Variants in FBXL17 observed in about 807,000 individuals in gnomAD.
The protein encoded by FBXL17 is F-box/LRR-repeat protein 17.
Under a neutral mutation model 66.2 loss-of-function variants are expected in FBXL17, and 22 were observed. That is an observed-to-expected ratio of 0.33 (90% CI 0.24 to 0.47). The LOEUF is 0.47. FBXL17 is among the 20% of genes least tolerant of loss of function. FBXL17 has a pLI of 1.00. For synonymous variants in FBXL17, 474 were observed against 400.5 expected (o/e 1.18, Z -2.19); for missense variants, 878 against 948.2 (o/e 0.93, Z 0.97).
intron 4 of FBXL17, among the ~76,000 whole-genome samples, chr5:108,336,646 T>A (rs1760395170): frequency 6.6e-6 from 1 of 152,072 alleles, no homozygotes; most frequent in Non-Finnish European, 1.5e-5. Flanking sequence ...AATAAAAATG[T>A]TTAAAGACAT....
At chr5:108,330,541 TTTTA>T (rs1365234315) in intron 4 of FBXL17, among the ~76,000 whole-genome samples, 3 of 152,168 alleles carry the variant, frequency 2.0e-5, no homozygotes, top group Non-Finnish European at 4.4e-5. Flanking sequence ...CCAAGATATA[TTTTA>T]AAGAACACAC....
At chr5:108,120,360 T>C (rs894372902) in intron 6 of FBXL17, among the ~76,000 whole-genome samples, 2 of 152,178 alleles carry the variant, frequency 1.3e-5, no homozygotes, top group Non-Finnish European at 2.9e-5. Flanking sequence ...GACCATTATA[T>C]AACTAAGATA....
At chr5:107,978,594 C>A (rs1431185905) in intron 7 of FBXL17, among the ~76,000 whole-genome samples, 3 of 152,142 alleles carry the variant, frequency 2.0e-5, no homozygotes, top group African/African-American at 7.2e-5. Context: ...CCTGGACCTA[C>A]AACTTGTGAT....
At chr5:107,879,843 C>T (rs1580675688) in intron 8 of FBXL17, 2 of 985,392 alleles carry the variant, frequency 2.0e-6, no homozygotes, top group Non-Finnish European at 2.4e-6. Context: ...AAGCAGTCCC[C>T]GTGGCCACAG....
intron 4 of FBXL17, among the ~76,000 whole-genome samples, chr5:108,235,472 C>G (rs1246934379): frequency 6.6e-6 from 1 of 152,154 alleles, no homozygotes; most frequent in Non-Finnish European, 1.5e-5. Context: ...ATATGTCATT[C>G]TTTTCCGGGA....
At chr5:108,271,527 T>A (rs1335685931) in intron 4 of FBXL17, among the ~76,000 whole-genome samples, 1 of 152,152 alleles carries the variant, frequency 6.6e-6, no homozygotes, top group Non-Finnish European at 1.5e-5. Context: ...CAAACACACA[T>A]TATCAAGGAT....
At chr5:107,900,525 T>C (rs1463965199) in intron 7 of FBXL17, among the ~76,000 whole-genome samples, 1 of 152,208 alleles carries the variant, frequency 6.6e-6, no homozygotes, top group Non-Finnish European at 1.5e-5. Context: ...TCTAAAATCT[T>C]ATGCTTTCAA....
At chr5:108,218,077 G>C (rs1242630723) in intron 5 of FBXL17, among the ~76,000 whole-genome samples, 4 of 145,690 alleles carry the variant, frequency 2.7e-5, no homozygotes, top group African/African-American at 1.0e-4. Context: ...GAGTGCAGTG[G>C]CCACTGCAAG....
intron 7 of FBXL17, among the ~76,000 whole-genome samples, chr5:107,927,582 C>G (rs1352764225): frequency 6.6e-6 from 1 of 152,098 alleles, no homozygotes; most frequent in Non-Finnish European, 1.5e-5. Flanking sequence ...CATAAGGCTA[C>G]TATGAACACA....
intron 1 of FBXL17, among the ~76,000 whole-genome samples, chr5:108,371,820 G>A (rs1480432552): frequency 6.6e-6 from 1 of 152,190 alleles, no homozygotes; most frequent in East Asian, 1.9e-4. Flanking sequence ...ATTAGAGCAA[G>A]TGGAAGTGTT....
intron 1 of FBXL17, among the ~76,000 whole-genome samples, chr5:108,369,061 A>T (rs78905499): frequency 0.043 from 6,512 of 152,246 alleles, 764 homozygotes; most frequent in East Asian, 0.39. Context: ...CAGATATGGG[A>T]CAAATGACAG....
Position 108,054,984 on chromosome 5 carries a change from T to C in FBXL17, c.1746-33983A>G, listed in dbSNP as rs372839051. On this transcript the variant is annotated intron_variant, in intron 6 of 8. Transcript: ENST00000542267. ...AATAGGAAAAAGTATGCCTATTCTA[T>C]CTTCCTCAAAGTACAAGTTTGTCAT... Among the ~76,000 whole-genome samples, 33 of 152,202 alleles carry C rather than the reference T, an allele frequency of 2.2e-4. No individual in the cohort carries two copies. The East Asian group carries it at 2.5e-3, about 12-fold the overall frequency.
chr5:108,022,359 T>C (rs1754636247), intron 6 of FBXL17, among the ~76,000 whole-genome samples: 1 of 151,970 alleles, frequency 6.6e-6, no homozygotes, highest in Non-Finnish European at 1.5e-5. Context: ...TTAAATAAAT[T>C]CATTTAAAAA....
chr5:108,298,533 T>A, intron 4 of FBXL17: 1 of 975,000 alleles, frequency 1.0e-6, no homozygotes, highest in Non-Finnish European at 1.2e-6. Context: ...TGCCTAATGA[T>A]GCTAAGGAGA....
intron 4 of FBXL17, among the ~76,000 whole-genome samples, chr5:108,239,231 T>G (rs1755744096): frequency 6.6e-6 from 1 of 152,182 alleles, no homozygotes; most frequent in Non-Finnish European, 1.5e-5. Context: ...AAAGCACCTT[T>G]TTAAGAACCA....
At chr5:108,024,505 C>T (rs991152124) in intron 6 of FBXL17, among the ~76,000 whole-genome samples, 16 of 152,072 alleles carry the variant, frequency 1.1e-4, no homozygotes, top group African/African-American at 2.9e-4. Flanking sequence ...CAAATGTCTT[C>T]GGTTCATTTA....
chr5:108,087,622 C>T (rs1358879925), intron 6 of FBXL17, among the ~76,000 whole-genome samples: 1 of 152,064 alleles, frequency 6.6e-6, no homozygotes, highest in African/African-American at 2.4e-5. Context: ...TCAGTGTCTG[C>T]TTCCAAAGAA....
At chr5:108,302,155 T>A (rs1758619583) in intron 4 of FBXL17, 4 of 256,018 alleles carry the variant, frequency 1.6e-5, no homozygotes, top group Non-Finnish European at 2.4e-5. Context: ...GCAACTAAAT[T>A]GATATATCCA....
At chr5:108,376,803 T>C (rs1749457324) in intron 1 of FBXL17, among the ~76,000 whole-genome samples, 1 of 151,162 alleles carries the variant, frequency 6.6e-6, no homozygotes, top group African/African-American at 2.4e-5. Context: ...TTTTTTTTTT[T>C]TTGAGACAGA....
Sources: gnomAD v4.1 joint callset for allele counts (sites outside exome capture counted in the v4.1 genomes callset) on GRCh38, gnomAD v4.1.1 for gene constraint, MANE v1.5 for transcripts, NCBI Gene and HGNC (gene_info 2026-07-23, HGNC 2026-07-21) for gene names.